Variants in TMX3 observed in about 807,000 individuals in gnomAD.
TMX3 encodes thioredoxin related transmembrane protein 3.
Under a neutral mutation model 64.4 loss-of-function variants are expected in TMX3, and 40 were observed. That is an observed-to-expected ratio of 0.62 (90% CI 0.48 to 0.81). The LOEUF (loss-of-function observed/expected upper bound fraction) is 0.81, where lower values mean the gene tolerates loss of function less well. Ranked by LOEUF, TMX3 falls within the 30% of genes least tolerant of loss-of-function variation. The pLI, the probability that TMX3 is intolerant of heterozygous loss-of-function variation, is 0.00. For synonymous variants in TMX3, 189 were observed against 175.7 expected (o/e 1.08, Z -0.60); for missense variants, 497 against 534.5 (o/e 0.93, Z 0.69).
At chr18:68,691,755 C>A (rs1914543969) in intron 8 of TMX3, among the ~76,000 whole-genome samples, 1 of 152,150 alleles carries the variant, frequency 6.6e-6, no homozygotes, top group African/African-American at 2.4e-5. Context: ...TCTCACAGAA[C>A]AATTAGGAGA....
chr18:68,709,819 T>C (rs1266958263), intron 4 of TMX3, among the ~76,000 whole-genome samples: 1 of 140,702 alleles, frequency 7.1e-6, no homozygotes, highest in African/African-American at 3.1e-5. Flanking sequence ...TTTAAACATC[T>C]GTTAAGCATA....
rs527261230 is a variant in TMX3, at chr18:68,674,964, T to C, written c.*1969A>G. On this transcript the variant is annotated 3_prime_UTR_variant, in exon 16 of 16. Coordinates refer to ENST00000299608, the MANE Select transcript of TMX3 (RefSeq NM_019022.5). ...TGGATGTTTGCATTCACACTGAGCT[T>C]TACTCTTTTTTTCCTATTAAGGTCT... 6.6e-5 allele frequency: 10 copies of C among 152,234 alleles called. No homozygotes were observed. The East Asian group carries it at 1.9e-3, about 29-fold the overall frequency. 9.4% of individuals were successfully genotyped at this position (152,234 alleles called of 1,614,324 possible). A position where few individuals can be genotyped will look rare whatever the true frequency, so the allele number is the denominator to read the frequency against.
rs146246189 is a variant in TMX3 at position 68,715,006 on chromosome 18, C to T, written c.-25G>A. 3.1e-3 allele frequency: 4,798 copies of T among 1,561,612 alleles called. 106 individuals carry two copies. In the African/African-American group the frequency reaches 0.058, roughly 19 times the overall value. ...TGCTAGCCCGGGAGAGCTGCAGAAG[C>T]TGACTGTGCAAAAGAGGGATAAAGA... On this transcript the variant is annotated 5_prime_UTR_variant, in exon 1 of 16. Coordinates refer to ENST00000299608, the MANE Select transcript of TMX3 (RefSeq NM_019022.5).
chr18:68,687,686 C>CA lies in TMX3; in HGVS notation c.716dup (p.Leu239PhefsTer3). ...TGTTACCTGTGTCTCCAAGTTCATA[C>CA]AAGAGGAAGCCATCCATAGCAAGGT... On this transcript the variant is annotated frameshift_variant, in exon 10 of 16. Coordinates refer to ENST00000299608, the MANE Select transcript of TMX3 (RefSeq NM_019022.5). LOFTEE classifies it high-confidence loss of function. 6.2e-7 allele frequency: 1 copy of CA among 1,611,482 alleles called. No homozygotes were observed. The highest frequency in any genetic ancestry group is 8.5e-7 in the Non-Finnish European group (1 of 1,178,888).
chr18:68,711,471 A>T lies in TMX3; in HGVS notation c.102-68T>A, dbSNP rs2031270736. The stretch of plus-strand genomic sequence containing the variant: ...CACTTTACAACTGTATAGTATAGGC[A>T]GAGATAATACATTGATAAATATAAG... On this transcript the variant is annotated intron_variant, in intron 2 of 15. Transcript: ENST00000299608. The T allele has an allele frequency of 4.5e-6, 5 of 1,105,578 alleles. No individual in the cohort carries two copies. In the Admixed American group the frequency reaches 1.2e-4, roughly 27 times the overall value. The allele number at this position is 1,105,578 out of a possible 1,614,324, so 68.5% of individuals were successfully genotyped here. A position where few individuals can be genotyped will look rare whatever the true frequency, so the allele number is the denominator to read the frequency against.
chr18:68,702,716 C>T (rs945954404), intron 4 of TMX3, among the ~76,000 whole-genome samples: 2 of 152,132 alleles, frequency 1.3e-5, no homozygotes, highest in Non-Finnish European at 1.5e-5. Flanking sequence ...TTTGTTATCA[C>T]ACTTGGGTAA....
At position 68,700,493 on chromosome 18, in the gene TMX3, A is replaced by G; in HGVS notation, c.312-8T>C. 1 of 1,513,632 alleles carries G rather than the reference A, an allele frequency of 6.6e-7. No individual in the cohort carries two copies. The highest frequency in any genetic ancestry group is 2.2e-5 in the Admixed American group (1 of 44,868). 93.8% of individuals were successfully genotyped at this position (1,513,632 alleles called of 1,614,324 possible). A position where few individuals can be genotyped will look rare whatever the true frequency, so the allele number is the denominator to read the frequency against. On this transcript the variant is annotated splice_region_variant and splice_polypyrimidine_tract_variant and intron_variant, in intron 5 of 15. Coordinates refer to ENST00000299608, the MANE Select transcript of TMX3 (RefSeq NM_019022.5). ...GCCAAGTCCCCTTTTAATCTTTAAA[A>G]AAAAAAAAAAATTAAAACCTGGATT...
intron 4 of TMX3, among the ~76,000 whole-genome samples, chr18:68,708,269 G>A (rs1312017740): frequency 6.6e-6 from 1 of 151,764 alleles, no homozygotes; most frequent in Non-Finnish European, 1.5e-5. Context: ...GTTTCATTTG[G>A]GTGACTCAAT....
chr18:68,693,006 A>T (rs1417759899), intron 8 of TMX3, among the ~76,000 whole-genome samples: 1 of 152,226 alleles, frequency 6.6e-6, no homozygotes, highest in Non-Finnish European at 1.5e-5. Context: ...ATGAGGGCTT[A>T]GCATAAATTC....
Position 68,680,943 on chromosome 18 carries a change from T to C in TMX3, c.1035+38A>G, listed in dbSNP as rs1913361930. 4 of 1,528,166 alleles carry C rather than the reference T, an allele frequency of 2.6e-6. No individual in the cohort carries two copies. The South Asian group carries it at 5.4e-5, about 21-fold the overall frequency. 94.7% of individuals were successfully genotyped at this position (1,528,166 alleles called of 1,614,324 possible). ...ATGAACTAGTTTCTCCTCTACCCCC[T>C]GTCCATCATCTCTTTGAAACAGAAG... is the stretch of plus-strand genomic sequence containing the variant. On this transcript the variant is annotated intron_variant, in intron 14 of 15. Transcript: ENST00000299608.
intron 7 of TMX3, 53 bp downstream of exon 7, chr18:68,697,879 G>T: frequency 8.7e-7 from 1 of 1,147,274 alleles, no homozygotes; most frequent in Non-Finnish European, 1.3e-6. Flanking sequence ...CTTGATTATA[G>T]AGTAAATTAA....
intron 4 of TMX3, chr18:68,706,312 G>A (rs1366789300): frequency 6.6e-6 from 1 of 152,354 alleles, no homozygotes; most frequent in Non-Finnish European, 1.5e-5. Context: ...TCGAGAGGCT[G>A]AGGCAGGAGA....
At chr18:68,714,056 T>C (rs900532896) in intron 1 of TMX3, among the ~76,000 whole-genome samples, 156 bp from the exon 2 acceptor site, 4 of 152,160 alleles carry the variant, frequency 2.6e-5, no homozygotes, top group Non-Finnish European at 5.9e-5. Context: ...AAAGCAAAGG[T>C]AGTTCATCCA....
Position 68,673,816 on chromosome 18 carries a change from G to A in TMX3, c.*3117C>T, listed in dbSNP as rs1262789404. ...AACCTCTATAGATTAGTCCAAAGTA[G>A]AAAATTATTTTTTGCCCACTCTTGG... On this transcript the variant is annotated 3_prime_UTR_variant, in exon 16 of 16. Coordinates refer to ENST00000299608, the MANE Select transcript of TMX3 (RefSeq NM_019022.5). 1.3e-5 allele frequency: 2 copies of A among 152,044 alleles called. No individual in the cohort carries two copies. Among genetic ancestry groups the A allele is most frequent in the Non-Finnish European group, 2.9e-5 (2 of 67,990 alleles). 9.4% of individuals were successfully genotyped at this position (152,044 alleles called of 1,614,324 possible).
rs1345080288 is a variant in TMX3, at chr18:68,700,195, T to A, written c.392+210A>T. On this transcript the variant is annotated intron_variant, in intron 6 of 15. Transcript: ENST00000299608. ...AGACAAAATGAATTTAAATGTGAGG[T>A]TAACAAGTATGTAATACAAACCATG... 2.6e-5 allele frequency among the ~76,000 whole-genome samples: 4 copies of A among 152,136 alleles called. No individual in the cohort carries two copies. In the East Asian group the frequency reaches 7.7e-4, roughly 29 times the overall value.
In TMX3 at chr18:68,711,373, C is replaced by T; in HGVS notation, c.132G>A (p.Trp44Ter). The change falls in exon 3 of 16, where the codon TGG (tryptophan) becomes TGA (stop). Residue 44 changes from tryptophan (W) to a stop codon, truncating the protein, a stop_gained. Coordinates refer to ENST00000299608, the MANE Select transcript of TMX3 (RefSeq NM_019022.5). LOFTEE classifies it high-confidence loss of function. ...SFKENRNDDI[W>*]LVDFYAPWCG... is the part of the protein sequence containing the mutation. ...AAATTTACATACTTACATCTACAAG[C>T]CAAATGTCATCATTTCGATTTTCTT... 1 of 1,586,810 alleles carries T rather than the reference C, an allele frequency of 6.3e-7. No homozygotes were observed. Among genetic ancestry groups the T allele is most frequent in the Non-Finnish European group, 8.6e-7 (1 of 1,163,292 alleles).
At chr18:68,697,058 A>G (rs1327071119) in intron 8 of TMX3, 168 bp downstream of exon 8, 1 of 460,170 alleles carries the variant, frequency 2.2e-6, no homozygotes, top group Non-Finnish European at 3.9e-6. Context: ...ATCTAATACC[A>G]GTAGTAAAGA....
chr18:68,707,852 G>C (rs761572934), intron 4 of TMX3, among the ~76,000 whole-genome samples: 4 of 152,172 alleles, frequency 2.6e-5, no homozygotes, highest in Non-Finnish European at 5.9e-5. Context: ...TATTGATTGA[G>C]TGAATACATG....
intron 9 of TMX3, among the ~76,000 whole-genome samples, chr18:68,690,661 A>G (rs747253451): frequency 6.6e-6 from 1 of 152,246 alleles, no homozygotes; most frequent in Admixed American, 6.5e-5. Flanking sequence ...ATGCCATTAC[A>G]ATTTGCTTTA....
Sources: gnomAD v4.1 joint callset for allele counts (sites outside exome capture counted in the v4.1 genomes callset) on GRCh38, gnomAD v4.1.1 for gene constraint, MANE v1.5 for transcripts, NCBI Gene and HGNC (gene_info 2026-07-23, HGNC 2026-07-21) for gene names.